Variants in DMD observed in about 807,000 individuals in gnomAD.
DMD encodes the protein mutant dystrophin.
Under a neutral mutation model 330.1 loss-of-function variants are expected in DMD, and 63 were observed. The observed-to-expected ratio is 0.19, with a 90% CI of 0.16 to 0.24. The LOEUF (loss-of-function observed/expected upper bound fraction) is 0.24. Among genes scored for constraint, DMD ranks in the 10% least tolerant of loss-of-function variants. DMD has a pLI of 1.00. For synonymous variants in DMD, 1,223 were observed against 959.8 expected, an observed-to-expected ratio of 1.27 and a Z score of -5.07; for missense variants, 3,344 against 2,684.1, an observed-to-expected ratio of 1.25 and a Z score of -5.43.
chrX:32,721,066 TTGTGTGTG>T (rs113205688), intron 7 of DMD, among the ~76,000 whole-genome samples: 9 of 108,816 alleles, frequency 8.3e-5, no homozygotes, highest in Non-Finnish European at 1.2e-4. Context: ...GGCTGAATAT[TTGTGTGTG>T]TGTGTGTGTG....
intron 18 of DMD, among the ~76,000 whole-genome samples, chrX:32,506,769 G>T (rs1370216953): frequency 9.0e-6 from 1 of 111,396 alleles, no homozygotes; most frequent in Non-Finnish European, 1.9e-5. Flanking sequence ...TTTCCAATTA[G>T]CAGGTAAAAC....
At chrX:31,127,859 C>T (rs1247934256) in intron 77 of DMD, among the ~76,000 whole-genome samples, 1 of 111,950 alleles carries the variant, frequency 8.9e-6, no homozygotes, top group African/African-American at 3.2e-5. Flanking sequence ...TCTCTTTCTT[C>T]CCTCCCTTTC....
At chrX:31,380,298 A>G (rs2148715038) in intron 60 of DMD, among the ~76,000 whole-genome samples, 1 of 110,346 alleles carries the variant, frequency 9.1e-6, no homozygotes, top group Non-Finnish European at 1.9e-5. Flanking sequence ...TGCTTCCCTG[A>G]CTATTCCTAG....
At chrX:32,344,498 T>C (rs193166881) in intron 39 of DMD, among the ~76,000 whole-genome samples, 2 of 111,270 alleles carry the variant, frequency 1.8e-5, no homozygotes, top group East Asian at 2.8e-4. Flanking sequence ...TGCTGTACTT[T>C]ATGTTTTATG....
At chrX:31,778,328 G>A (rs970971363) in intron 50 of DMD, among the ~76,000 whole-genome samples, 8 of 111,533 alleles carry the variant, frequency 7.2e-5, no homozygotes, top group South Asian at 7.4e-4. Context: ...GATAGTAGTT[G>A]AGAGTTGGAT....
At chrX:31,450,057 T>C (rs981350950) in intron 59 of DMD, among the ~76,000 whole-genome samples, 2 of 110,197 alleles carry the variant, frequency 1.8e-5, no homozygotes, top group Non-Finnish European at 3.8e-5. Context: ...ATGGCATTGC[T>C]GTCTACCATG....
At chrX:31,174,449 G>T (rs951382419) in intron 71 of DMD, among the ~76,000 whole-genome samples, 4 of 111,109 alleles carry the variant, frequency 3.6e-5, no homozygotes, top group Non-Finnish European at 7.6e-5. Flanking sequence ...AATTATCCTT[G>T]AAGTTTTTAT....
rs772842224 is a variant in DMD, at chrX:33,158,732, T to C, written c.31+52550A>G. On this transcript the variant is annotated intron_variant, in intron 1 of 78. Transcript: ENST00000357033. ...TAGCATCTGTTGCTCAGATATCATGTCCCAGCACCCCAATTAATTGCCCTA... is the reference window on the plus strand; with the variant it reads ...TAGCATCTGTTGCTCAGATATCATGCCCCAGCACCCCAATTAATTGCCCTA... 2.7e-5 allele frequency among the ~76,000 whole-genome samples: 3 copies of C among 111,631 alleles called. No homozygotes were observed. In the East Asian group the frequency reaches 8.5e-4, roughly 32 times the overall value.
At chrX:32,100,132 GA>G (rs929398286) in intron 44 of DMD, among the ~76,000 whole-genome samples, 2 of 110,005 alleles carry the variant, frequency 1.8e-5, no homozygotes, top group Non-Finnish European at 3.8e-5. Flanking sequence ...AAGTAAAAAG[GA>G]AAAAAAGTTA....
chrX:31,456,430 C>T (rs912202406), intron 59 of DMD, among the ~76,000 whole-genome samples: 3 of 111,970 alleles, frequency 2.7e-5, no homozygotes, highest in Non-Finnish European at 3.8e-5. Flanking sequence ...TTTCTCACAT[C>T]GCCCCAGGGG....
chrX:31,221,684 T>C (rs763284134), intron 64 of DMD, among the ~76,000 whole-genome samples: 1 of 113,109 alleles, frequency 8.8e-6, no homozygotes, highest in African/African-American at 3.2e-5. Context: ...ACATTATACA[T>C]ATATTTGCTT....
intron 1 of DMD, among the ~76,000 whole-genome samples, chrX:33,292,635 A>G (rs2053529266): frequency 9.0e-6 from 1 of 110,755 alleles, no homozygotes; most frequent in African/African-American, 3.3e-5. Context: ...AGTGGACCAC[A>G]TTGTATAGGT....
rs1435435028 is a variant in DMD, at chrX:31,918,844, G to C, written c.6912+10752C>G. Among the ~76,000 whole-genome samples, 7 of 111,145 alleles carry C rather than the reference G, an allele frequency of 6.3e-5. 1 individual carries two copies. The highest frequency in any genetic ancestry group is 1.3e-4 in the Non-Finnish European group (7 of 53,025). On this transcript the variant is annotated intron_variant, in intron 47 of 78. Coordinates refer to ENST00000357033, the MANE Select transcript of DMD (RefSeq NM_004006.3). Reference sequence around the variant, plus strand: ...GTAGAGACAGGGTTTGACAATGTTGGCCAGGCTGGTCTTGAACTCTGACCT... The same window carrying C: ...GTAGAGACAGGGTTTGACAATGTTGCCCAGGCTGGTCTTGAACTCTGACCT...
At chrX:31,716,290 G>A (rs2085040888) in intron 52 of DMD, among the ~76,000 whole-genome samples, 1 of 112,481 alleles carries the variant, frequency 8.9e-6, no homozygotes, top group Non-Finnish European at 1.9e-5. Flanking sequence ...CGTGGCTCAC[G>A]CCTGTAATCC....
At chrX:32,482,808 T>C (rs993180853) in intron 21 of DMD, among the ~76,000 whole-genome samples, 1 of 110,891 alleles carries the variant, frequency 9.0e-6, no homozygotes, top group Admixed American at 9.7e-5. Flanking sequence ...TCTTTTTATA[T>C]TATTTTCTTC....
chrX:31,493,246 A>C (rs754307652), intron 57 of DMD, among the ~76,000 whole-genome samples: 17 of 111,961 alleles, frequency 1.5e-4, no homozygotes, highest in Non-Finnish European at 2.4e-4. Flanking sequence ...TCCCCCTCCC[A>C]AAAATCTTCT....
intron 2 of DMD, among the ~76,000 whole-genome samples, chrX:32,887,369 G>C (rs992907292): frequency 5.5e-5 from 6 of 108,301 alleles, no homozygotes; most frequent in Non-Finnish European, 1.1e-4. Context: ...TAAATAAAAA[G>C]AAAATTGGAC....
At chrX:32,046,686 G>A (rs1381612390) in intron 44 of DMD, among the ~76,000 whole-genome samples, 6 of 111,410 alleles carry the variant, frequency 5.4e-5, no homozygotes, top group Non-Finnish European at 1.1e-4. Context: ...TGATAAGAGA[G>A]GCAGGAAAGA....
At chrX:31,172,312 T>C (rs2040073953) in intron 73 of DMD, 36 bp downstream of exon 73, 1 of 1,016,299 alleles carries the variant, frequency 9.8e-7, no homozygotes, top group African/African-American at 1.9e-5. Flanking sequence ...AATTTCATTG[T>C]CAGGAACATT....
Sources: gnomAD v4.1 joint callset for allele counts (sites outside exome capture counted in the v4.1 genomes callset) on GRCh38, gnomAD v4.1.1 for gene constraint, MANE v1.5 for transcripts, NCBI Gene and HGNC (gene_info 2026-07-23, HGNC 2026-07-21) for gene names.